DAB1: variants seen among roughly 807,000 people sequenced by gnomAD.
DAB1 encodes the protein DAB adaptor protein 1.
A neutral mutation model predicts 64.6 loss-of-function variants in DAB1; 15 were observed. That is an observed-to-expected ratio of 0.23 (90% CI 0.16 to 0.36). The LOEUF is 0.36. DAB1 is among the 10% of genes least tolerant of loss of function. DAB1 has a pLI of 1.00. For synonymous variants in DAB1, 235 were observed against 251.9 expected (o/e 0.93, Z 0.64); for missense variants, 596 against 706.7 (o/e 0.84, Z 1.78).
At chr1:58,539,268 A>G (rs1297519604) in intron 1 of DAB1, 3 of 863,898 alleles carry the variant, frequency 3.5e-6, no homozygotes, top group Non-Finnish European at 6.0e-6. Flanking sequence ...TTCTAGCAGC[A>G]GACTGCAATC....
At chr1:57,181,504 G>A (rs895288043) in intron 2 of DAB1, among the ~76,000 whole-genome samples, 7 of 152,122 alleles carry the variant, frequency 4.6e-5, no homozygotes, top group African/African-American at 2.4e-5. Flanking sequence ...CCTAATTGAA[G>A]GAATGGATTA....
At chr1:57,425,736 C>A (rs1288814677), upstream of DAB1, among the ~76,000 whole-genome samples, 1 of 152,134 alleles carries the variant, frequency 6.6e-6, no homozygotes, top group Non-Finnish European at 1.5e-5. Context: ...AGGTCCTATC[C>A]CTGATACTAC....
chr1:57,545,785 G>T (rs1411905419), intron 7 of DAB1, among the ~76,000 whole-genome samples: 2 of 152,100 alleles, frequency 1.3e-5, no homozygotes, highest in Non-Finnish European at 2.9e-5. Flanking sequence ...TTGTCTGTCA[G>T]ACATCCACTA....
chr1:57,362,078 G>A (rs1679596257), intron 1 of DAB1, among the ~76,000 whole-genome samples: 1 of 152,120 alleles, frequency 6.6e-6, no homozygotes, highest in Non-Finnish European at 1.5e-5. Flanking sequence ...AGAAGGACAT[G>A]TCGAAGAATG....
At chr1:58,116,160 T>C (rs1054056139) in intron 5 of DAB1, among the ~76,000 whole-genome samples, 2 of 152,192 alleles carry the variant, frequency 1.3e-5, no homozygotes, top group Non-Finnish European at 2.9e-5. Context: ...CTAAGAAAGC[T>C]TTAGCTTTAG....
chr1:57,110,119 A>G (rs896491351), intron 4 of DAB1, among the ~76,000 whole-genome samples: 2 of 152,194 alleles, frequency 1.3e-5, no homozygotes, highest in Admixed American at 6.5e-5. Context: ...GTGTCTGTTC[A>G]TTTATCACAT....
At chr1:58,164,028 C>T (rs1226598010) in intron 4 of DAB1, among the ~76,000 whole-genome samples, 2 of 152,070 alleles carry the variant, frequency 1.3e-5, no homozygotes, top group East Asian at 1.9e-4. Context: ...GACTGCTGAG[C>T]TATGCAAACA....
At chr1:58,049,279 C>A in intron 5 of DAB1, 1 of 708,840 alleles carries the variant, frequency 1.4e-6, no homozygotes. Context: ...TTAGGAGACT[C>A]TGACTTAGAC....
intron 5 of DAB1, among the ~76,000 whole-genome samples, chr1:57,952,851 T>C (rs961382560): frequency 1.6e-4 from 24 of 152,198 alleles, no homozygotes; most frequent in African/African-American, 5.5e-4. Context: ...ATTGACCAGC[T>C]GCACAGATGG....
rs1451494564 is a variant in DAB1, at chr1:56,995,481, T to C, written c.*2663A>G. The stretch of plus-strand genomic sequence containing the variant: ...TATTTCCCTTACTTTAATGCATCAC[T>C]TGGGCATCTATCTTCTTGAAGTTCA... On this transcript the variant is annotated 3_prime_UTR_variant, in exon 15 of 15. Coordinates refer to ENST00000371236, the MANE Select transcript of DAB1 (RefSeq NM_001365792.1). The C allele has an allele frequency of 6.6e-6, 1 of 152,242 alleles. No homozygotes were observed. The highest frequency in any genetic ancestry group is 1.5e-5 in the Non-Finnish European group (1 of 68,040). The allele number at this position is 152,242 out of a possible 1,614,324, so 9.4% of individuals were successfully genotyped here.
intron 6 of DAB1, among the ~76,000 whole-genome samples, chr1:57,736,129 G>C (rs1419697436): frequency 6.6e-6 from 1 of 152,176 alleles, no homozygotes; most frequent in African/African-American, 2.4e-5. Flanking sequence ...ATACTGTCTT[G>C]TAAAAATGGT....
At chr1:58,312,852 G>A (rs904122476) in intron 4 of DAB1, among the ~76,000 whole-genome samples, 2 of 152,024 alleles carry the variant, frequency 1.3e-5, no homozygotes, top group Non-Finnish European at 2.9e-5. Context: ...GCAAGATAGC[G>A]TTGGCAGTAC....
rs551522808 is a variant in DAB1 at position 58,144,568 on chromosome 1, T to A, written n.387+5943A>T. On this transcript the variant is annotated intron_variant and non_coding_transcript_variant, in intron 5 of 20. Transcript: ENST00000485760. ...ATCTTCATAACAACCCTGGGGTATG[T>A]CCTCATTTTACATAAATGAAAACCG... is the stretch of plus-strand genomic sequence containing the variant. 1.2e-4 allele frequency among the ~76,000 whole-genome samples: 19 copies of A among 152,352 alleles called. 1 individual carries two copies. The South Asian group carries it at 3.7e-3, about 30-fold the overall frequency.
chr1:58,028,246 C>T (rs1451076947), intron 5 of DAB1, among the ~76,000 whole-genome samples: 1 of 152,200 alleles, frequency 6.6e-6, no homozygotes, highest in Non-Finnish European at 1.5e-5. Context: ...TCCTGCAAGG[C>T]TCTGGTCAAA....
intron 4 of DAB1, among the ~76,000 whole-genome samples, chr1:58,177,097 G>GTATTTTA (rs1195756885): frequency 6.6e-6 from 1 of 151,988 alleles, no homozygotes; most frequent in Admixed American, 6.6e-5. Flanking sequence ...ATTATTAATT[G>GTATTTTA]TATTTTACAG....
intron 1 of DAB1, among the ~76,000 whole-genome samples, chr1:57,848,231 G>C (rs1653371556): frequency 6.6e-6 from 1 of 152,224 alleles, no homozygotes; most frequent in Non-Finnish European, 1.5e-5. Context: ...AAAAGGTGTA[G>C]TCTATAAGTT....
chr1:58,444,441 C>T (rs140746362), intron 3 of DAB1, among the ~76,000 whole-genome samples: 4 of 152,346 alleles, frequency 2.6e-5, no homozygotes, highest in Non-Finnish European at 5.9e-5. Context: ...CAGAGCTGGA[C>T]TTGAACTAGG....
chr1:57,211,654 G>A (rs1430835767), intron 2 of DAB1, among the ~76,000 whole-genome samples: 2 of 152,064 alleles, frequency 1.3e-5, no homozygotes, highest in African/African-American at 4.8e-5. Context: ...AAGTTCCAAA[G>A]GGCTACACAA....
intron 3 of DAB1, among the ~76,000 whole-genome samples, chr1:58,372,050 G>T (rs1350086792): frequency 6.6e-6 from 1 of 152,200 alleles, no homozygotes; most frequent in Non-Finnish European, 1.5e-5. Context: ...CTGCCTAGTG[G>T]AGCTGTAAGA....
Sources: allele counts gnomAD v4.1 joint callset (sites outside exome capture counted in the v4.1 genomes callset), GRCh38; gene constraint gnomAD v4.1.1; transcripts MANE v1.5; gene names NCBI Gene and HGNC (gene_info 2026-07-23, HGNC 2026-07-21).